PRR14L: variants seen among roughly 807,000 people sequenced by gnomAD.
PRR14L encodes the protein protein PRR14L.
In PRR14L, 80 loss-of-function variants were observed where a neutral mutation model predicts 155.0. The ratio of observed to expected loss-of-function variants is 0.52; its 90% CI spans 0.43 to 0.62. The LOEUF (loss-of-function observed/expected upper bound fraction) is 0.62, where lower values mean the gene tolerates loss of function less well. Among genes scored for constraint, PRR14L ranks in the 20% least tolerant of loss-of-function variants. PRR14L has a pLI of 0.00. For synonymous variants in PRR14L, 883 were observed against 916.0 expected (o/e 0.96, Z 0.65); for missense variants, 2,469 against 2,548.0 (o/e 0.97, Z 0.67).
chr22:31,749,558 A>C (rs973181453), intron 1 of PRR14L, among the ~76,000 whole-genome samples: 1 of 152,150 alleles, frequency 6.6e-6, no homozygotes, highest in Non-Finnish European at 1.5e-5. Flanking sequence ...GTTGGGGGAA[A>C]GGTCTCATTT....
chr22:31,724,134 C>T (rs131236), intron 3 of PRR14L, among the ~76,000 whole-genome samples: 1,665 of 152,302 alleles, frequency 0.011, 31 homozygotes, highest in African/African-American at 0.038. Context: ...CTGTCACTGT[C>T]GCCCATCAAC....
chr22:31,695,079 T>C (rs988409874), intron 7 of PRR14L, among the ~76,000 whole-genome samples: 2 of 152,022 alleles, frequency 1.3e-5, no homozygotes, highest in African/African-American at 4.8e-5. Context: ...CCAGACTCCA[T>C]CAAAACAAAA....
intron 1 of PRR14L, among the ~76,000 whole-genome samples, chr22:31,748,160 T>C (rs1327353026): frequency 6.6e-6 from 1 of 152,162 alleles, no homozygotes; most frequent in East Asian, 1.9e-4. Flanking sequence ...ACAACACTCT[T>C]TTCACCTTGA....
chr22:31,730,145 A>G (rs2074740083), intron 2 of PRR14L, among the ~76,000 whole-genome samples: 1 of 150,846 alleles, frequency 6.6e-6, no homozygotes, highest in Non-Finnish European at 1.5e-5. Flanking sequence ...GTCTAAAAAA[A>G]AAAAAAAAAA....
At chr22:31,694,278 C>A (rs1262747491) in intron 7 of PRR14L, among the ~76,000 whole-genome samples, 1 of 151,780 alleles carries the variant, frequency 6.6e-6, no homozygotes, top group East Asian at 2.0e-4. Context: ...CTGCGCCTGG[C>A]CAGCTGGTTT....
intron 1 of PRR14L, among the ~76,000 whole-genome samples, chr22:31,746,791 C>A (rs1226447369): frequency 6.7e-6 from 1 of 149,216 alleles, no homozygotes; most frequent in Non-Finnish European, 1.5e-5. Flanking sequence ...CTTCTCCCAG[C>A]AGTCTTTTTT....
Position 31,714,862 on chromosome 22 carries a change from G to C in PRR14L, c.2977C>G (p.Leu993Val). 6.4e-7 allele frequency: 1 copy of C among 1,551,956 alleles called. No individual in the cohort carries two copies. Among genetic ancestry groups the C allele is most frequent in the South Asian group, 1.2e-5 (1 of 84,068 alleles). The change falls in exon 4 of 9, where the codon CTA (leucine) becomes GTA (valine). Residue 993 changes from leucine to valine, a missense_variant. Physicochemically the swap from Leu to Val is conservative, Grantham distance 32. Around this residue, in one of 2 missense-constraint regions of PRR14L, gnomAD observed 2,363 missense variants for 2,371.6 expected, o/e 1.00. Transcript: ENST00000327423. ...ACAGTCTCTCTCTGGTCACTACTTA[G>C]CATCTCCTTGGCTGACTGACCTTCA... ...KSEGQSAKEM[L>V]SSDQRETVTE...
intron 4 of PRR14L, among the ~76,000 whole-genome samples, chr22:31,709,220 A>G (rs1243497472): frequency 7.1e-6 from 1 of 141,694 alleles, no homozygotes; most frequent in Non-Finnish European, 1.5e-5. Context: ...TGGGATTACA[A>G]GCATGCGCCA....
At chr22:31,747,165 C>T (rs2074843114) in intron 1 of PRR14L, among the ~76,000 whole-genome samples, 1 of 148,924 alleles carries the variant, frequency 6.7e-6, no homozygotes, top group African/African-American at 2.5e-5. Flanking sequence ...GGCTGGAGTG[C>T]AACAGCATGA....
chr22:31,723,823 T>G (rs1365930552), intron 3 of PRR14L, among the ~76,000 whole-genome samples: 2 of 152,272 alleles, frequency 1.3e-5, no homozygotes, highest in African/African-American at 4.8e-5. Flanking sequence ...TGATGTTTCA[T>G]CACAGTAACA....
At chr22:31,737,543 T>A (rs1037892531) in intron 2 of PRR14L, among the ~76,000 whole-genome samples, 8 of 151,842 alleles carry the variant, frequency 5.3e-5, no homozygotes, top group Middle Eastern at 3.4e-3. Context: ...ATCCCAACAC[T>A]TTCAGAAGCC....
chr22:31,722,445 T>G (rs999358530), intron 3 of PRR14L, among the ~76,000 whole-genome samples: 3 of 149,788 alleles, frequency 2.0e-5, no homozygotes, highest in African/African-American at 4.9e-5. Flanking sequence ...AAAGAAAACT[T>G]AAATCTGGGT....
intron 2 of PRR14L, among the ~76,000 whole-genome samples, chr22:31,734,331 T>C (rs1157380880): frequency 6.6e-6 from 1 of 152,220 alleles, no homozygotes; most frequent in Non-Finnish European, 1.5e-5. Flanking sequence ...GAGTTCTTCA[T>C]GTATTACAGA....
At chr22:31,737,645 A>G (rs1346957010) in intron 2 of PRR14L, among the ~76,000 whole-genome samples, 4 of 151,896 alleles carry the variant, frequency 2.6e-5, no homozygotes, top group Admixed American at 6.6e-5. Context: ...AAAAGAAGAA[A>G]AAAGAATTTG....
At position 31,748,518 on chromosome 22, in the gene PRR14L, G is replaced by A. The variant is rs563293520; in HGVS notation, c.-52+1475C>T. ...AAAAGATTTTCCTCTGTTTTATAAA[G>A]GAAAAGGAGAAAAGAAACAATCTGT... On this transcript the variant is annotated intron_variant, in intron 1 of 8. Coordinates refer to ENST00000327423, the MANE Select transcript of PRR14L (RefSeq NM_173566.3). Among the ~76,000 whole-genome samples, 7 of 152,262 alleles carry A rather than the reference G, an allele frequency of 4.6e-5. No individual in the cohort carries two copies. The East Asian group carries it at 5.8e-4, about 13-fold the overall frequency.
At chr22:31,745,116 G>C (rs1466040084) in intron 1 of PRR14L, among the ~76,000 whole-genome samples, 2 of 152,196 alleles carry the variant, frequency 1.3e-5, no homozygotes, top group African/African-American at 4.8e-5. Flanking sequence ...TTTGGCTCAC[G>C]CCTGTAATCC....
chr22:31,688,253 C>A (rs753282247), intron 7 of PRR14L, 26 bp from the exon 8 acceptor site: 41 of 1,548,878 alleles, frequency 2.6e-5, no homozygotes, highest in Admixed American at 4.2e-5. Flanking sequence ...GAAAAAAATT[C>A]TTCAGGTTCT....
intron 2 of PRR14L, among the ~76,000 whole-genome samples, chr22:31,735,880 C>T (rs972763651): frequency 6.6e-6 from 1 of 151,752 alleles, no homozygotes; most frequent in Non-Finnish European, 1.5e-5. Context: ...GAAACCCTGT[C>T]TCTATTTAAA....
intron 4 of PRR14L, among the ~76,000 whole-genome samples, chr22:31,709,916 A>G (rs1004212156): frequency 2.0e-5 from 3 of 151,802 alleles, no homozygotes; most frequent in Non-Finnish European, 2.9e-5. Context: ...TACAGGCATG[A>G]GCCACCGTAG....
Sources: allele counts gnomAD v4.1 joint callset (sites outside exome capture counted in the v4.1 genomes callset), GRCh38; gene constraint gnomAD v4.1.1; regional missense constraint gnomAD v4.1.1; transcripts MANE v1.5; gene names NCBI Gene and HGNC (gene_info 2026-07-23, HGNC 2026-07-21).